The following SEC23B variants were observed in gnomAD, a reference collection of about 807,000 sequenced individuals.
The protein encoded by SEC23B is protein transport protein Sec23B.
In SEC23B, 77 loss-of-function variants were observed where a neutral mutation model predicts 104.3. The ratio of observed to expected loss-of-function variants is 0.74; its 90% CI spans 0.61 to 0.89. The LOEUF is 0.89. Among genes scored for constraint, SEC23B ranks in the 40% least tolerant of loss-of-function variants. The pLI, the probability that SEC23B is intolerant of heterozygous loss-of-function variation, is 0.00. For synonymous variants in SEC23B, 338 were observed against 332.5 expected (o/e 1.02, Z -0.18); for missense variants, 885 against 949.4 (o/e 0.93, Z 0.89).
chr20:18,556,389 A>G (rs1254079638), intron 19 of SEC23B, among the ~76,000 whole-genome samples: 2 of 152,224 alleles, frequency 1.3e-5, no homozygotes, highest in Non-Finnish European at 2.9e-5. Context: ...ATTCCCCCAC[A>G]GATACTGAGG....
intron 19 of SEC23B, among the ~76,000 whole-genome samples, chr20:18,557,201 A>G (rs1012973880): frequency 7.2e-5 from 11 of 151,734 alleles, no homozygotes; most frequent in Non-Finnish European, 1.6e-4. Context: ...CTGCCTTCCC[A>G]TGAGTTATTT....
At chr20:18,531,528 T>C (rs1215301569) in intron 10 of SEC23B, among the ~76,000 whole-genome samples, 1 of 151,778 alleles carries the variant, frequency 6.6e-6, no homozygotes, top group Non-Finnish European at 1.5e-5. Flanking sequence ...TGGTGGCACA[T>C]GCCTGTAGCC....
At chr20:18,542,167 GC>G in intron 12 of SEC23B, 128 bp from the exon 13 acceptor site, 2 of 834,230 alleles carry the variant, frequency 2.4e-6, no homozygotes, top group Non-Finnish European at 4.2e-6. Context: ...TCCTAAGTGT[GC>G]CCTTCAAAAT....
At chr20:18,541,295 A>G (rs551314067) in intron 12 of SEC23B, among the ~76,000 whole-genome samples, 134 of 152,378 alleles carry the variant, frequency 8.8e-4, no homozygotes, top group African/African-American at 3.0e-3. Flanking sequence ...AACATTCTCC[A>G]CATCAGCAAT....
chr20:18,546,522 T>C (rs145331661), intron 15 of SEC23B, among the ~76,000 whole-genome samples: 83 of 152,286 alleles, frequency 5.5e-4, no homozygotes, highest in African/African-American at 1.3e-3. Context: ...TTGGAAGCCA[T>C]TGGACAAGAG....
In SEC23B at chr20:18,513,263, G is replaced by A. The variant is rs551836658; in HGVS notation, c.279+981G>A. Among the ~76,000 whole-genome samples, 6 of 152,018 alleles carry A rather than the reference G, an allele frequency of 3.9e-5. No individual in the cohort carries two copies. The East Asian group carries it at 1.2e-3, about 29-fold the overall frequency. The stretch of plus-strand genomic sequence containing the variant: ...CTCAGGAGGCTGAAGCAGGAGAATC[G>A]CTTGAACCCGGGAGGTGGAGGTTGC... On this transcript the variant is annotated intron_variant, in intron 3 of 19. Transcript: ENST00000650089.
intron 4 of SEC23B, among the ~76,000 whole-genome samples, chr20:18,520,342 A>G (rs2060071627): frequency 6.6e-6 from 1 of 152,180 alleles, no homozygotes; most frequent in African/African-American, 2.4e-5. Context: ...GGGATGGGAT[A>G]TTGGCATTGA....
intron 9 of SEC23B, 127 bp from the exon 10 acceptor site, chr20:18,530,553 T>C: frequency 4.6e-6 from 5 of 1,093,676 alleles, no homozygotes; most frequent in Non-Finnish European, 6.4e-6. Context: ...TATATTTAAA[T>C]TAATCAGTGG....
intron 14 of SEC23B, among the ~76,000 whole-genome samples, chr20:18,545,476 AC>A (rs1165911670): frequency 2.0e-5 from 3 of 152,198 alleles, no homozygotes; most frequent in Non-Finnish European, 4.4e-5. Context: ...TAAATGATGA[AC>A]AGTCCAATTC....
chr20:18,529,787 AG>A lies in SEC23B; in HGVS notation c.1110-891del, dbSNP rs1186824001. On this transcript the variant is annotated intron_variant, in intron 9 of 19. Transcript: ENST00000650089. ...TCATTGTTCCAGGAAACTAAGGAAG[AG>A]GTAGATATTTGGTGCCAAAGAGCTG... is the stretch of plus-strand genomic sequence containing the variant. 1.7e-4 allele frequency among the ~76,000 whole-genome samples: 26 copies of A among 152,228 alleles called. 1 individual carries two copies. Among genetic ancestry groups the A allele is most frequent in the Non-Finnish European group, 4.4e-5 (3 of 68,036 alleles).
chr20:18,508,458 C>T (rs2059951108), intron 1 of SEC23B, among the ~76,000 whole-genome samples: 1 of 152,172 alleles, frequency 6.6e-6, no homozygotes, highest in Non-Finnish European at 1.5e-5. Context: ...CTAATTCATA[C>T]TTTCAGTTAT....
At position 18,532,679 on chromosome 20, in the gene SEC23B, A is replaced by C. The variant is rs771676294; in HGVS notation, c.1249A>C (p.Lys417Gln). 1.2e-6 allele frequency: 2 copies of C among 1,613,578 alleles called. No homozygotes were observed. The highest frequency in any genetic ancestry group is 1.7e-6 in the Non-Finnish European group (2 of 1,179,474). ...TTTGTTATAGACCTCTCGGGAACTG[A>C]AGATTGCAGGAGCCATTGGTCCATG... The part of the protein sequence containing the change: ...TLDVKTSREL[K>Q]IAGAIGPCVS... Residue 417 changes from lysine to glutamine, a missense_variant, in exon 11 of 20, where the codon AAG becomes CAG. Coordinates refer to ENST00000650089, the MANE Select transcript of SEC23B (RefSeq NM_006363.6).
intron 17 of SEC23B, among the ~76,000 whole-genome samples, chr20:18,553,241 G>A (rs2060405346): frequency 6.6e-6 from 1 of 152,194 alleles, no homozygotes; most frequent in Non-Finnish European, 1.5e-5. Context: ...CTGGACCCTG[G>A]TGAGCTCGTG....
Position 18,535,674 on chromosome 20 carries a change from A to C in SEC23B, c.1336A>C (p.Ser446Arg). 2 of 1,614,076 alleles carry C rather than the reference A, an allele frequency of 1.2e-6. No homozygotes were observed. Among genetic ancestry groups the C allele is most frequent in the Non-Finnish European group, 1.7e-6 (2 of 1,179,970 alleles). The change falls in exon 12 of 20, where the codon AGT becomes CGT. Residue 446 changes from serine (S) to arginine (R), a missense_variant. Transcript: ENST00000650089. Reference sequence around the variant, plus strand: ...CCAGGAGCTTGGTGTTGGTGGCACGAGTCAGTGGAAAATCTGTGGCCTAGA... The same window carrying C: ...CCAGGAGCTTGGTGTTGGTGGCACGCGTCAGTGGAAAATCTGTGGCCTAGA... ...SENELGVGGT[S>R]QWKICGLDPT...
chr20:18,548,194 G>A (rs1014284458), intron 15 of SEC23B, among the ~76,000 whole-genome samples: 3 of 151,952 alleles, frequency 2.0e-5, no homozygotes, highest in African/African-American at 2.4e-5. Context: ...CAGGTGATCC[G>A]CCCGCCTCGG....
rs2060071260 is a variant in SEC23B, at chr20:18,520,304, A to G, written c.367-4129A>G. 1.3e-5 allele frequency among the ~76,000 whole-genome samples: 2 copies of G among 152,224 alleles called. 1 individual carries two copies. The highest frequency in any genetic ancestry group is 3.8e-4 in the East Asian group (2 of 5,198). On this transcript the variant is annotated intron_variant, in intron 4 of 19. Coordinates refer to ENST00000650089, the MANE Select transcript of SEC23B (RefSeq NM_006363.6). ...CATGCTATAACAAGCGAGTGATAAC[A>G]GGCTTTAATCCATTTAAAGCATGCC...
In SEC23B at chr20:18,526,521, A is replaced by G; in HGVS notation, c.983A>G (p.Lys328Arg). The G allele has an allele frequency of 6.2e-7, 1 of 1,614,106 alleles. No individual in the cohort carries two copies. Among genetic ancestry groups the G allele is most frequent in the Non-Finnish European group, 8.5e-7 (1 of 1,179,986 alleles). ...IEKDNARFMK[K>R]ATKHYEMLAN... Reference sequence around the variant, plus strand: ...AAAGATAATGCACGATTCATGAAAAAGGCAACCAAGGTAGGTGCTCTTGGG... The same window carrying G: ...AAAGATAATGCACGATTCATGAAAAGGGCAACCAAGGTAGGTGCTCTTGGG... The change falls in exon 8 of 20, where the codon AAG (lysine) becomes AGG (arginine). Residue 328 changes from lysine (K) to arginine (R), a missense_variant. By Grantham distance (26) the Lys-to-Arg change is conservative. Transcript: ENST00000650089.
In SEC23B at chr20:18,548,614, G is replaced by A. The variant is rs2060356625; in HGVS notation, c.1749G>A (p.Met583Ile). The change falls in exon 16 of 20, where the codon ATG becomes ATA. Residue 583 changes from methionine (M) to isoleucine (I), a missense_variant. Coordinates refer to ENST00000650089, the MANE Select transcript of SEC23B (RefSeq NM_006363.6). The stretch of plus-strand genomic sequence containing the variant: ...TCCGTTCTTTGTGAATGCAGTTTAT[G>A]TTCCATCTGAGAAGATCTCCATTTC... ...SDSFSLYPQF[M>I]FHLRRSPFLQ... 1 of 1,613,822 alleles carries A rather than the reference G, an allele frequency of 6.2e-7. No individual in the cohort carries two copies. Among genetic ancestry groups the A allele is most frequent in the African/African-American group, 1.3e-5 (1 of 74,924 alleles).
intron 17 of SEC23B, among the ~76,000 whole-genome samples, chr20:18,553,668 C>T (rs1463970900): frequency 2.0e-5 from 3 of 152,314 alleles, no homozygotes; most frequent in Middle Eastern, 3.4e-3. Flanking sequence ...CTCACTGCCT[C>T]ATCAACACTC....
Sources: allele counts gnomAD v4.1 joint callset (sites outside exome capture counted in the v4.1 genomes callset), GRCh38; gene constraint gnomAD v4.1.1; transcripts MANE v1.5; gene names NCBI Gene and HGNC (gene_info 2026-07-23, HGNC 2026-07-21).